The following HS6ST3 variants were observed in gnomAD, a reference collection of about 807,000 sequenced individuals.
The protein encoded by HS6ST3 is heparan-sulfate 6-O-sulfotransferase 3.
HS6ST3 carries 12 observed loss-of-function variants against 36.7 expected under a neutral mutation model. The observed-to-expected ratio is 0.33, with a 90% confidence interval of 0.21 to 0.53. HS6ST3 has a LOEUF of 0.53. Among genes scored for constraint, HS6ST3 ranks in the 20% least tolerant of loss-of-function variants. The pLI, the probability that HS6ST3 is intolerant of heterozygous loss-of-function variation, is 0.95. For missense variants in HS6ST3, 584 were observed against 640.9 expected (o/e 0.91, Z 0.96); for synonymous variants, 240 against 257.5 (o/e 0.93, Z 0.65).
chr13:96,637,961 C>T (rs2056555767), intron 1 of HS6ST3, among the ~76,000 whole-genome samples: 1 of 152,080 alleles, frequency 6.6e-6, no homozygotes, highest in African/African-American at 2.4e-5. Flanking sequence ...TCAGCTATAG[C>T]ATTCTTATAT....
chr13:96,254,129 T>C (rs1461691938), intron 1 of HS6ST3, among the ~76,000 whole-genome samples: 6 of 151,956 alleles, frequency 3.9e-5, no homozygotes, highest in Admixed American at 1.3e-4. Context: ...TAATATACTT[T>C]TTCCAGCCGG....
intron 1 of HS6ST3, among the ~76,000 whole-genome samples, chr13:96,487,628 C>T (rs1435866993): frequency 6.6e-6 from 1 of 152,076 alleles, no homozygotes; most frequent in Admixed American, 6.6e-5. Context: ...GAATATTATA[C>T]ATACAAGGAC....
At chr13:96,497,038 G>A (rs2055980453) in intron 1 of HS6ST3, among the ~76,000 whole-genome samples, 1 of 152,138 alleles carries the variant, frequency 6.6e-6, no homozygotes, top group Admixed American at 6.5e-5. Flanking sequence ...ATAGCAGGTG[G>A]GACAAGACAG....
At chr13:96,569,572 A>G (rs2138961033) in intron 1 of HS6ST3, among the ~76,000 whole-genome samples, 1 of 152,354 alleles carries the variant, frequency 6.6e-6, no homozygotes, top group South Asian at 2.1e-4. Flanking sequence ...TGAAAATGAA[A>G]AGAAAAAAAC....
intron 1 of HS6ST3, among the ~76,000 whole-genome samples, chr13:96,454,129 G>C (rs946366208): frequency 6.6e-6 from 1 of 152,026 alleles, no homozygotes; most frequent in African/African-American, 2.4e-5. Context: ...TGGCTTTGTG[G>C]GCAGTAGATG....
chr13:96,299,501 T>C (rs2054871087), intron 1 of HS6ST3, among the ~76,000 whole-genome samples: 1 of 152,112 alleles, frequency 6.6e-6, no homozygotes, highest in African/African-American at 2.4e-5. Context: ...CCAGATGGAA[T>C]TGACTGTGAA....
intron 1 of HS6ST3, among the ~76,000 whole-genome samples, chr13:96,410,129 A>G (rs1461786817): frequency 6.6e-6 from 1 of 152,210 alleles, no homozygotes; most frequent in Non-Finnish European, 1.5e-5. Context: ...AGTTTTGACT[A>G]CGCAAATATT....
chr13:96,475,312 G>A (rs926576985), intron 1 of HS6ST3, among the ~76,000 whole-genome samples: 21 of 152,092 alleles, frequency 1.4e-4, no homozygotes, highest in African/African-American at 4.8e-4. Flanking sequence ...CCGTGCTCCT[G>A]TAGCTCTGGG....
chr13:96,123,185 C>A (rs1477378725), intron 1 of HS6ST3, among the ~76,000 whole-genome samples: 5 of 152,176 alleles, frequency 3.3e-5, no homozygotes, highest in African/African-American at 1.2e-4. Context: ...GCTATCTCTA[C>A]TTAATATTCC....
chr13:96,222,121 A>G (rs1329066330), intron 1 of HS6ST3, among the ~76,000 whole-genome samples: 1 of 152,238 alleles, frequency 6.6e-6, no homozygotes, highest in African/African-American at 2.4e-5. Flanking sequence ...GCAACTGTAA[A>G]ACATCAATCA....
At chr13:96,642,668 G>A (rs1267496645) in intron 1 of HS6ST3, among the ~76,000 whole-genome samples, 1 of 151,778 alleles carries the variant, frequency 6.6e-6, no homozygotes, top group African/African-American at 2.4e-5. Flanking sequence ...ATTTGCTGTT[G>A]TGCCTTGAGC....
intron 1 of HS6ST3, among the ~76,000 whole-genome samples, chr13:96,431,307 A>G (rs976201444): frequency 6.6e-5 from 10 of 152,094 alleles, no homozygotes; most frequent in Non-Finnish European, 1.2e-4. Context: ...AGAAAACAAC[A>G]TGAAGAGAGG....
Position 96,661,331 on chromosome 13 carries a change from A to G in HS6ST3, c.708-171159A>G, listed in dbSNP as rs184661379. Among the ~76,000 whole-genome samples the G allele has an allele frequency of 5.3e-5, 8 of 152,234 alleles. No homozygotes were observed. In the East Asian group the frequency reaches 7.8e-4, roughly 15 times the overall value. On this transcript the variant is annotated intron_variant, in intron 1 of 1. Coordinates refer to ENST00000376705, the MANE Select transcript of HS6ST3 (RefSeq NM_153456.4). ...ATGTGGGTGCTCCAGTATTGGGTGCATGTATTTTGATGATTGTTACATCTT... is the reference window on the plus strand; with the variant it reads ...ATGTGGGTGCTCCAGTATTGGGTGCGTGTATTTTGATGATTGTTACATCTT...
At chr13:96,364,188 T>C (rs577759098) in intron 1 of HS6ST3, among the ~76,000 whole-genome samples, 4 of 152,084 alleles carry the variant, frequency 2.6e-5, no homozygotes, top group Non-Finnish European at 5.9e-5. Context: ...GGTTGGAACA[T>C]AAAATGGTGC....
intron 1 of HS6ST3, among the ~76,000 whole-genome samples, chr13:96,575,651 AC>A (rs1045779574): frequency 2.6e-5 from 4 of 152,320 alleles, no homozygotes; most frequent in African/African-American, 9.6e-5. Context: ...TCTTCACCCC[AC>A]CAGGGCAAAT....
intron 1 of HS6ST3, among the ~76,000 whole-genome samples, chr13:96,411,420 A>G (rs908975064): frequency 6.6e-6 from 1 of 152,224 alleles, no homozygotes; most frequent in Non-Finnish European, 1.5e-5. Flanking sequence ...AAGGAAAGAT[A>G]TTTACAAAGG....
chr13:96,815,876 TC>T (rs1878410634), intron 1 of HS6ST3, among the ~76,000 whole-genome samples: 1 of 152,104 alleles, frequency 6.6e-6, no homozygotes, highest in African/African-American at 2.4e-5. Flanking sequence ...AAAGCCACAA[TC>T]CCCCATGAGC....
chr13:96,476,520 G>A (rs1437506253), intron 1 of HS6ST3, among the ~76,000 whole-genome samples: 1 of 152,066 alleles, frequency 6.6e-6, no homozygotes, highest in Non-Finnish European at 1.5e-5. Context: ...CCACCACCAT[G>A]CCTGGCTAAT....
chr13:96,280,758 A>G (rs750675448), intron 1 of HS6ST3, among the ~76,000 whole-genome samples: 24 of 152,180 alleles, frequency 1.6e-4, no homozygotes, highest in Non-Finnish European at 2.9e-4. Flanking sequence ...ATGAAGATGT[A>G]CCTCAACATG....
Sources: gnomAD v4.1 joint callset for allele counts (sites outside exome capture counted in the v4.1 genomes callset) on GRCh38, gnomAD v4.1.1 for gene constraint, MANE v1.5 for transcripts, NCBI Gene and HGNC (gene_info 2026-07-23, HGNC 2026-07-21) for gene names.